The following DLG5 variants were observed in gnomAD, a reference collection of about 807,000 sequenced individuals.
DLG5 encodes the protein discs large MAGUK scaffold protein 5.
Under a neutral mutation model 189.8 loss-of-function variants are expected in DLG5, and 48 were observed. The ratio of observed to expected loss-of-function variants is 0.25; its 90% CI spans 0.20 to 0.32. The LOEUF (loss-of-function observed/expected upper bound fraction) is 0.32. Ranked by LOEUF, DLG5 falls within the 10% of genes least tolerant of loss-of-function variation. The pLI, the probability that DLG5 is intolerant of heterozygous loss-of-function variation, is 1.00. For synonymous variants in DLG5, 1,016 were observed against 1,054.1 expected, an observed-to-expected ratio of 0.96 and a Z score of 0.70; for missense variants, 2,160 against 2,544.7, an observed-to-expected ratio of 0.85 and a Z score of 3.25.
At chr10:77,810,137 C>T (rs765633918) in intron 23 of DLG5, among the ~76,000 whole-genome samples, 1 of 152,224 alleles carries the variant, frequency 6.6e-6, no homozygotes, top group Non-Finnish European at 1.5e-5. Context: ...CAAATGTCTA[C>T]GAAGAAGCTT....
chr10:77,883,588 TAA>T (rs1845346983), intron 1 of DLG5, among the ~76,000 whole-genome samples: 1 of 148,238 alleles, frequency 6.7e-6, no homozygotes, highest in East Asian at 2.0e-4. Flanking sequence ...GAAAAAAACA[TAA>T]GACTCAATTT....
chr10:77,812,413 C>G (rs971618806), intron 20 of DLG5, 36 bp from the exon 21 acceptor site: 2 of 1,595,494 alleles, frequency 1.3e-6, no homozygotes, highest in African/African-American at 2.7e-5. Flanking sequence ...GACTCAGGGT[C>G]AAACAAAAGG....
intron 1 of DLG5, among the ~76,000 whole-genome samples, chr10:77,881,873 T>C (rs1224674367): frequency 6.6e-6 from 1 of 152,160 alleles, no homozygotes; most frequent in African/African-American, 2.4e-5. Context: ...GGCAAGGACA[T>C]GGCATCCCAG....
At chr10:77,902,215 T>G (rs908575770) in intron 1 of DLG5, among the ~76,000 whole-genome samples, 10 of 152,192 alleles carry the variant, frequency 6.6e-5, no homozygotes, top group African/African-American at 2.4e-4. Context: ...CAGGTTCTGA[T>G]TCACAGACCT....
At chr10:77,853,308 G>A in intron 5 of DLG5, 46 bp downstream of exon 5, 7 of 1,417,556 alleles carry the variant, frequency 4.9e-6, no homozygotes, top group Non-Finnish European at 6.6e-6. Context: ...TAAAAGGAAT[G>A]AGGACTACTT....
rs367940948 is a variant in DLG5 at position 77,819,930 on chromosome 10, C to T, written c.3491G>A (p.Ser1164Asn). The change falls in exon 16 of 32, where the codon AGC becomes AAC. Residue 1164 changes from serine to asparagine, a missense_variant. Coordinates refer to ENST00000372391, the MANE Select transcript of DLG5 (RefSeq NM_004747.4). ...CCTGCTAGGGTATAGCGGGGGGTTG[C>T]TGTGCCGGCTGGAATGCCCAGGCGA... is the stretch of plus-strand genomic sequence containing the variant. The part of the protein sequence containing the change: ...PYSPGHSSRH[S>N]NPPLYPSRPS... 19 of 1,604,446 alleles carry T rather than the reference C, an allele frequency of 1.2e-5. No homozygotes were observed. The highest frequency in any genetic ancestry group is 1.5e-5 in the Non-Finnish European group (18 of 1,175,660).
At chr10:77,819,806 C>T (rs1383483902) in intron 16 of DLG5, 89 bp downstream of exon 16, 11 of 1,490,778 alleles carry the variant, frequency 7.4e-6, no homozygotes, top group African/African-American at 1.4e-5. Context: ...CATGGCAGCT[C>T]TCTGAAATGC....
chr10:77,830,275 C>T lies in DLG5; in HGVS notation c.1951G>A (p.Asp651Asn). The change falls in exon 11 of 32, where the codon GAC becomes AAC. Residue 651 changes from aspartate to asparagine, a missense_variant. Physicochemically the swap from Asp to Asn is conservative, Grantham distance 23. Coordinates refer to ENST00000372391, the MANE Select transcript of DLG5 (RefSeq NM_004747.4). ...ACTTTAGTGACAAATATGCCACAGT[C>T]CCCCGGGAAACAAGGCTCATTCACA... ...EGVNEPCFPG[D>N]CGIFVTKVDK... The T allele has an allele frequency of 3.7e-6, 6 of 1,614,196 alleles. No individual in the cohort carries two copies. Among genetic ancestry groups the T allele is most frequent in the Non-Finnish European group, 5.1e-6 (6 of 1,180,046 alleles).
intron 14 of DLG5, 27 bp downstream of exon 14, chr10:77,824,357 G>A (rs1842510323): frequency 6.4e-7 from 1 of 1,554,690 alleles, no homozygotes; most frequent in Non-Finnish European, 8.9e-7. Flanking sequence ...TCCTGACCGT[G>A]AGAGCAGAGC....
At chr10:77,916,940 C>G (rs898959091) in intron 1 of DLG5, among the ~76,000 whole-genome samples, 9 of 111,780 alleles carry the variant, frequency 8.1e-5, no homozygotes, top group Non-Finnish European at 1.7e-4. Flanking sequence ...TATTATTCGG[C>G]CTAAAAAAGG....
chr10:77,854,231 A>G lies in DLG5; in HGVS notation c.676T>C (p.Tyr226His), dbSNP rs1844118432. The G allele has an allele frequency of 6.2e-7, 1 of 1,613,966 alleles. No homozygotes were observed. Residue 226 changes from tyrosine (Y) to histidine (H), a missense_variant, in exon 4 of 32, where the codon TAC becomes CAC. By Grantham distance (83) the Tyr-to-His change is moderately conservative (BLOSUM62 2). This residue lies in a region of DLG5 where 664 missense variants were observed against 838.5 expected (regional missense o/e 0.79). Transcript: ENST00000372391. ...GGCCAAGCAGGCCTCACTCACTGGT[A>G]GAAGTCAGTCTCCTTGGCCACCTCC... Reference protein sequence around the residue: ...CEEVAKETDFYHTLHSRLLSD... With the variant: ...CEEVAKETDFHHTLHSRLLSD...
chr10:77,914,014 G>A (rs1299566125), intron 1 of DLG5, among the ~76,000 whole-genome samples: 1 of 152,138 alleles, frequency 6.6e-6, no homozygotes, highest in Non-Finnish European at 1.5e-5. Context: ...AGCTTTCTGG[G>A]ATCAAAGAGA....
chr10:77,795,441 G>A (rs1425168031), intron 29 of DLG5, among the ~76,000 whole-genome samples: 1 of 152,144 alleles, frequency 6.6e-6, no homozygotes, highest in Non-Finnish European at 1.5e-5. Context: ...CCCAAGTAGA[G>A]TTTGCCCACT....
At chr10:77,903,769 A>C (rs773046541) in intron 1 of DLG5, among the ~76,000 whole-genome samples, 1 of 152,242 alleles carries the variant, frequency 6.6e-6, no homozygotes, top group Non-Finnish European at 1.5e-5. Context: ...AAATCCAAAA[A>C]TAATCAAAAA....
intron 1 of DLG5, among the ~76,000 whole-genome samples, chr10:77,892,477 G>C (rs2154577652): frequency 6.6e-6 from 1 of 152,292 alleles, no homozygotes. Flanking sequence ...ACAGTTATCA[G>C]GAAGAGTCAC....
intron 1 of DLG5, among the ~76,000 whole-genome samples, chr10:77,921,743 C>T (rs1319638294): frequency 6.6e-6 from 1 of 152,232 alleles, no homozygotes; most frequent in African/African-American, 2.4e-5. Flanking sequence ...TCCTCGGCTT[C>T]TCCAGCGGAC....
At chr10:77,809,764 C>T in intron 23 of DLG5, 34 bp from the exon 24 acceptor site, 1 of 1,589,538 alleles carries the variant, frequency 6.3e-7, no homozygotes, top group Non-Finnish European at 8.6e-7. Flanking sequence ...CTCAACTGTG[C>T]ACAAAGAGGA....
At chr10:77,801,627 C>T (rs1414970602) in intron 27 of DLG5, among the ~76,000 whole-genome samples, 1 of 152,152 alleles carries the variant, frequency 6.6e-6, no homozygotes. Flanking sequence ...CAAAGAAAAC[C>T]ACACGGGGGA....
intron 1 of DLG5, among the ~76,000 whole-genome samples, chr10:77,919,584 CTTTTTTTT>C (rs71030919): frequency 6.8e-4 from 46 of 67,730 alleles, no homozygotes; most frequent in Middle Eastern, 0.012. Flanking sequence ...CAGTTCAGGG[CTTTTTTTT>C]TTTTTTTTTT....
Sources: gnomAD v4.1 joint callset for allele counts (sites outside exome capture counted in the v4.1 genomes callset) on GRCh38, gnomAD v4.1.1 for gene constraint, gnomAD v4.1.1 regional missense constraint, MANE v1.5 for transcripts, NCBI Gene and HGNC (gene_info 2026-07-23, HGNC 2026-07-21) for gene names.